The following SPRED1 variants were observed in gnomAD, a reference collection of about 807,000 sequenced individuals.
SPRED1 encodes sprouty related EVH1 domain containing 1, also known as sprouty-related, EVH1 domain-containing protein 1.
SPRED1 carries 18 observed loss-of-function variants against 52.3 expected under a neutral mutation model. The observed-to-expected ratio is 0.34, with a 90% confidence interval of 0.24 to 0.51. The LOEUF (loss-of-function observed/expected upper bound fraction) is 0.51, where lower values mean the gene tolerates loss of function less well. Among genes scored for constraint, SPRED1 ranks in the 20% least tolerant of loss-of-function variants. The probability of loss-of-function intolerance (pLI) is 0.97; values close to 1 mark genes in which losing one functional copy is unlikely to be tolerated. For synonymous variants in SPRED1, 155 were observed against 179.7 expected (o/e 0.86, Z 1.10); for missense variants, 485 against 551.0 (o/e 0.88, Z 1.20).
chr15:38,264,735 CA>C (rs1894271865), intron 1 of SPRED1, among the ~76,000 whole-genome samples: 1 of 151,710 alleles, frequency 6.6e-6, no homozygotes, highest in Non-Finnish European at 1.5e-5. Context: ...TCAAGAGAGA[CA>C]GGGGTAAGGA....
At chr15:38,305,954 C>A (rs1595737154) in intron 2 of SPRED1, among the ~76,000 whole-genome samples, 1 of 152,040 alleles carries the variant, frequency 6.6e-6, no homozygotes, top group East Asian at 1.9e-4. Context: ...TTAATCTCTA[C>A]CCCTCTCATA....
rs1364163257 is a variant in SPRED1 at position 38,286,031 on chromosome 15, G to A, written c.33-13342G>A. On this transcript the variant is annotated intron_variant, in intron 1 of 6. Coordinates refer to ENST00000299084, the MANE Select transcript of SPRED1 (RefSeq NM_152594.3). ...GGCCAAGGAGGGAGGTTTGCTTGAG[G>A]CCAGGAGTTCAAGGCTAGTCTGGGA... Among the ~76,000 whole-genome samples the A allele has an allele frequency of 2.6e-5, 4 of 152,102 alleles. No homozygotes were observed. In the East Asian group the frequency reaches 7.7e-4, roughly 29 times the overall value.
At chr15:38,314,759 A>G (rs1019871257) in intron 2 of SPRED1, among the ~76,000 whole-genome samples, 1 of 151,878 alleles carries the variant, frequency 6.6e-6, no homozygotes, top group African/African-American at 2.4e-5. Flanking sequence ...TATATTAACT[A>G]TTTAGTCATA....
chr15:38,305,712 A>T (rs1818299369), intron 2 of SPRED1, among the ~76,000 whole-genome samples: 1 of 152,078 alleles, frequency 6.6e-6, no homozygotes, highest in Admixed American at 6.5e-5. Flanking sequence ...GGTGATTAAG[A>T]TCTTATGTTT....
intron 1 of SPRED1, among the ~76,000 whole-genome samples, chr15:38,259,850 C>A (rs1894171948): frequency 6.6e-6 from 1 of 152,098 alleles, no homozygotes; most frequent in Non-Finnish European, 1.5e-5. Context: ...GAATCCAGAA[C>A]CAAAATTATT....
intron 1 of SPRED1, among the ~76,000 whole-genome samples, chr15:38,263,827 C>CA (rs533468172): frequency 1.7e-3 from 259 of 151,952 alleles, no homozygotes; most frequent in Admixed American, 2.7e-3. Context: ...AAACGAATCA[C>CA]AAAAAAAATC....
chr15:38,310,152 TG>T (rs202128177), intron 2 of SPRED1, among the ~76,000 whole-genome samples: 1,502 of 140,690 alleles, frequency 0.011, 36 homozygotes, highest in African/African-American at 0.038. Flanking sequence ...TGTGTGTGTG[TG>T]TTTGGAGACG....
intron 1 of SPRED1, among the ~76,000 whole-genome samples, chr15:38,280,166 T>G (rs2140963826): frequency 6.6e-6 from 1 of 152,324 alleles, no homozygotes; most frequent in Non-Finnish European, 1.5e-5. Context: ...TTTCTTTATT[T>G]TTAGGGATCA....
intron 1 of SPRED1, among the ~76,000 whole-genome samples, chr15:38,269,905 C>CTTTTT (rs10566946): frequency 9.8e-5 from 9 of 92,000 alleles, no homozygotes; most frequent in East Asian, 3.0e-4. Flanking sequence ...TTCTTTCTTT[C>CTTTTT]TTTTTTTTTT....
At chr15:38,340,011 C>G in intron 5 of SPRED1, 116 bp downstream of exon 5, 1 of 1,291,780 alleles carries the variant, frequency 7.7e-7, no homozygotes. Context: ...AACAAACAAA[C>G]AAAAACCCCA....
intron 2 of SPRED1, among the ~76,000 whole-genome samples, chr15:38,321,841 C>T (rs995364616): frequency 3.9e-5 from 6 of 152,006 alleles, no homozygotes; most frequent in Non-Finnish European, 8.8e-5. Flanking sequence ...GTGATCCGCC[C>T]GCCTCGGCCT....
At chr15:38,304,063 T>TATGTTTTAAAAATATGTTAAA (rs1457979299) in intron 2 of SPRED1, among the ~76,000 whole-genome samples, 13 of 152,200 alleles carry the variant, frequency 8.5e-5, no homozygotes, top group Non-Finnish European at 1.3e-4. Flanking sequence ...GTTTTAAAAA[T>TATGTTTTAAAAATATGTTAAA]AAGGTTTCTT....
In SPRED1 at chr15:38,322,263, A is replaced by G; in HGVS notation, c.230A>G (p.Lys77Arg). 1 of 1,613,848 alleles carries G rather than the reference A, an allele frequency of 6.2e-7. No individual in the cohort carries two copies. The highest frequency in any genetic ancestry group is 8.5e-7 in the Non-Finnish European group (1 of 1,179,874). ...DKMVVLECML[K>R]KDLIYNKVTP... ...CAGGTGGTTTTGGAATGTATGCTTA[A>G]AAAAGACCTCATTTATAATAAGGTC... Residue 77 changes from lysine (K) to arginine (R), a missense_variant, in exon 3 of 7, where the codon AAA (lysine) becomes AGA (arginine). Lys to Arg is a conservative substitution (Grantham distance 26). Coordinates refer to ENST00000299084, the MANE Select transcript of SPRED1 (RefSeq NM_152594.3).
At chr15:38,299,603 G>A in intron 2 of SPRED1, 56 bp downstream of exon 2, 1 of 1,519,058 alleles carries the variant, frequency 6.6e-7, no homozygotes, top group Non-Finnish European at 9.1e-7. Context: ...TCTGTTTAAA[G>A]TTATGATTAG....
chr15:38,324,683 A>G (rs1305216449), intron 3 of SPRED1, 80 bp from the exon 4 acceptor site: 1 of 1,108,862 alleles, frequency 9.0e-7, no homozygotes, highest in East Asian at 2.6e-5. Context: ...AAGTATTATA[A>G]TGACATAATC....
intron 1 of SPRED1, among the ~76,000 whole-genome samples, chr15:38,273,520 A>AATAT (rs58636340): frequency 9.4e-4 from 134 of 142,896 alleles, no homozygotes; most frequent in African/African-American, 3.1e-3. Context: ...ATGTATTATT[A>AATAT]ATATATATAT....
chr15:38,314,969 C>T (rs1431370855), intron 2 of SPRED1, among the ~76,000 whole-genome samples: 3 of 151,814 alleles, frequency 2.0e-5, no homozygotes, highest in African/African-American at 4.8e-5. Flanking sequence ...TCTAAAGTCC[C>T]ACTCAGCTCA....
intron 1 of SPRED1, among the ~76,000 whole-genome samples, chr15:38,279,114 C>G (rs1322666014): frequency 3.3e-5 from 5 of 152,220 alleles, no homozygotes; most frequent in African/African-American, 1.2e-4. Context: ...GCGTGAGCCA[C>G]CATGCCCAGC....
Position 38,252,846 on chromosome 15 carries a change from A to G in SPRED1, c.-340A>G. The stretch of plus-strand genomic sequence containing the variant: ...TCCTGGCCGGACCCCGCTGCGCTCC[A>G]CCCCAGTGGCTGGAGGAGCAGCTCT... On this transcript the variant is annotated 5_prime_UTR_variant, in exon 1 of 7. Coordinates refer to ENST00000299084, the MANE Select transcript of SPRED1 (RefSeq NM_152594.3). 2.5e-6 allele frequency: 1 copy of G among 392,160 alleles called. No individual in the cohort carries two copies. The highest frequency in any genetic ancestry group is 2.1e-5 in the African/African-American group (1 of 47,284). 24.3% of individuals were successfully genotyped at this position (392,160 alleles called of 1,614,324 possible). A position where few individuals can be genotyped will look rare whatever the true frequency, so the allele number is the denominator to read the frequency against.
Sources: gnomAD v4.1 joint callset for allele counts (sites outside exome capture counted in the v4.1 genomes callset) on GRCh38, gnomAD v4.1.1 for gene constraint, MANE v1.5 for transcripts, NCBI Gene and HGNC (gene_info 2026-07-23, HGNC 2026-07-21) for gene names.